The following ERP27 variants were observed in gnomAD, a reference collection of about 807,000 sequenced individuals.
ERP27 encodes endoplasmic reticulum protein 27.
In ERP27, 23 loss-of-function variants were observed where a neutral mutation model predicts 27.7. The ratio of observed to expected loss-of-function variants is 0.83; its 90% CI spans 0.60 to 1.18. The LOEUF is 1.18. ERP27 is among the 50% of genes most tolerant of loss of function. The probability of loss-of-function intolerance (pLI) is 0.00; values close to 1 mark genes in which losing one functional copy is unlikely to be tolerated. For missense variants in ERP27, 363 were observed against 327.9 expected, an observed-to-expected ratio of 1.11 and a Z score of -0.83; for synonymous variants, 159 against 118.3, an observed-to-expected ratio of 1.34 and a Z score of -2.23.
At chr12:14,919,509 G>C (rs962128322) in intron 4 of ERP27, among the ~76,000 whole-genome samples, 1 of 152,120 alleles carries the variant, frequency 6.6e-6, no homozygotes, top group Non-Finnish European at 1.5e-5. Flanking sequence ...TACCCCAGGG[G>C]CATATGTGTT....
intron 3 of ERP27, among the ~76,000 whole-genome samples, chr12:14,925,942 A>C (rs1863594898): frequency 6.6e-6 from 1 of 151,918 alleles, no homozygotes; most frequent in African/African-American, 2.4e-5. Context: ...GGTGGCATGC[A>C]CCTGTTGTCC....
chr12:14,934,670 C>T (rs535621475), intron 3 of ERP27, among the ~76,000 whole-genome samples, 186 bp downstream of exon 3: 2 of 152,216 alleles, frequency 1.3e-5, no homozygotes, highest in Admixed American at 1.3e-4. Flanking sequence ...GTCCTGTCCT[C>T]TTTCCATTTC....
chr12:14,934,694 T>C (rs1253100317), intron 3 of ERP27, among the ~76,000 whole-genome samples, 162 bp downstream of exon 3: 1 of 152,212 alleles, frequency 6.6e-6, no homozygotes, highest in Non-Finnish European at 1.5e-5. Flanking sequence ...ACAGTACCTG[T>C]TTGGGAAGCT....
intron 3 of ERP27, among the ~76,000 whole-genome samples, chr12:14,930,539 G>C (rs1346142561): frequency 6.6e-6 from 1 of 152,190 alleles, no homozygotes; most frequent in Non-Finnish European, 1.5e-5. Flanking sequence ...AACAATAAGA[G>C]TCCTGTTGAA....
chr12:14,914,447 G>A lies in ERP27; in HGVS notation c.*288C>T, dbSNP rs1863372727. On this transcript the variant is annotated 3_prime_UTR_variant, in exon 7 of 7. Transcript: ENST00000266397. ...CCTTGATCTAGGTGTGTTACAGATG[G>A]GCTTACAGAGTATGAATGCACGATA... is the stretch of plus-strand genomic sequence containing the variant. 4 of 422,666 alleles carry A rather than the reference G, an allele frequency of 9.5e-6. No homozygotes were observed. The East Asian group carries it at 1.6e-4, about 17-fold the overall frequency. The allele number at this position is 422,666 out of a possible 1,614,324, so 26.2% of individuals were successfully genotyped here.
At chr12:14,929,021 T>C (rs1389991516) in intron 3 of ERP27, 9 of 1,535,188 alleles carry the variant, frequency 5.9e-6, no homozygotes, top group Non-Finnish European at 7.0e-6. Context: ...ATCATTATCA[T>C]CATAATCAGG....
intron 4 of ERP27, among the ~76,000 whole-genome samples, chr12:14,918,078 C>T (rs548520366): frequency 2.6e-5 from 4 of 152,270 alleles, no homozygotes; most frequent in South Asian, 2.1e-4. Context: ...GTGTTCATTA[C>T]GTGGAAGGCA....
intron 3 of ERP27, among the ~76,000 whole-genome samples, chr12:14,922,032 A>C: frequency 6.6e-6 from 1 of 152,224 alleles, no homozygotes; most frequent in East Asian, 1.9e-4. Context: ...GTCTGAATAA[A>C]CACAATTTAT....
rs1863366609 is a variant in ERP27, at chr12:14,914,060, T to C, written c.*675A>G. The C allele has an allele frequency of 6.6e-6, 1 of 152,222 alleles. No homozygotes were observed. Among genetic ancestry groups the C allele is most frequent in the African/African-American group, 2.4e-5 (1 of 41,444 alleles). The allele number at this position is 152,222 out of a possible 1,614,324, so 9.4% of individuals were successfully genotyped here. A position where few individuals can be genotyped will look rare whatever the true frequency, so the allele number is the denominator to read the frequency against. ...TTTCTCCTATAACATGATTGCCTTT[T>C]ATTTATTATGCAGGTTGTTGATTTA... On this transcript the variant is annotated 3_prime_UTR_variant, in exon 7 of 7. Coordinates refer to ENST00000266397, the MANE Select transcript of ERP27 (RefSeq NM_152321.4).
At chr12:14,938,267 C>T in intron 1 of ERP27, 148 bp downstream of exon 1, 2 of 849,726 alleles carry the variant, frequency 2.4e-6, no homozygotes, top group South Asian at 1.6e-5. Context: ...GACTTCCCTA[C>T]TCTCTACCAG....
chr12:14,921,378 A>C (rs574370898), intron 3 of ERP27, among the ~76,000 whole-genome samples: 1 of 152,212 alleles, frequency 6.6e-6, no homozygotes, highest in Non-Finnish European at 1.5e-5. Flanking sequence ...AGGAGCTTTA[A>C]ATAGAGAACA....
At chr12:14,924,050 T>G (rs1863557074) in intron 3 of ERP27, among the ~76,000 whole-genome samples, 1 of 152,198 alleles carries the variant, frequency 6.6e-6, no homozygotes, top group Admixed American at 6.5e-5. Context: ...GCTCCCCAGC[T>G]TTCCATAACC....
chr12:14,920,869 T>A, intron 4 of ERP27, 63 bp downstream of exon 4: 1 of 1,282,096 alleles, frequency 7.8e-7, no homozygotes, highest in East Asian at 2.3e-5. Flanking sequence ...ACCTCTGTTA[T>A]GAAGACCAGT....
intron 3 of ERP27, among the ~76,000 whole-genome samples, chr12:14,930,765 A>T (rs139935633): frequency 1.2e-4 from 18 of 152,358 alleles, no homozygotes; most frequent in Middle Eastern, 3.4e-3. Flanking sequence ...AGCATGAGTA[A>T]TATCCATTTA....
At chr12:14,932,234 T>C (rs907213657) in intron 3 of ERP27, among the ~76,000 whole-genome samples, 1 of 152,158 alleles carries the variant, frequency 6.6e-6, no homozygotes, top group Non-Finnish European at 1.5e-5. Context: ...AAATATATGA[T>C]ATGAATTATA....
intron 4 of ERP27, 112 bp downstream of exon 4, chr12:14,920,820 A>G: frequency 1.3e-6 from 1 of 772,968 alleles, no homozygotes; most frequent in Non-Finnish European, 2.2e-6. Context: ...ACAATACAGT[A>G]TTGTATTGGT....
chr12:14,929,675 A>G (rs934630759), intron 3 of ERP27, among the ~76,000 whole-genome samples: 5 of 152,236 alleles, frequency 3.3e-5, no homozygotes, highest in African/African-American at 1.2e-4. Flanking sequence ...CCTCAAGAGT[A>G]TCTGAAGTAG....
In ERP27 at chr12:14,921,423, G is replaced by A. The variant is rs191055175; in HGVS notation, c.334-375C>T. Among the ~76,000 whole-genome samples, 173 of 152,302 alleles carry A rather than the reference G, an allele frequency of 1.1e-3. 2 individuals carry two copies. The highest frequency in any genetic ancestry group is 2.2e-4 in the Non-Finnish European group (15 of 68,028). On this transcript the variant is annotated intron_variant, in intron 3 of 6. Coordinates refer to ENST00000266397, the MANE Select transcript of ERP27 (RefSeq NM_152321.4). Reference sequence around the variant, plus strand: ...AATACTGTGAGATGTGAGAGGTTGCGTTCTGGAAGCTGCTGTTAGTTCACT... The same window carrying A: ...AATACTGTGAGATGTGAGAGGTTGCATTCTGGAAGCTGCTGTTAGTTCACT...
chr12:14,926,922 G>T (rs1455839177), intron 3 of ERP27, among the ~76,000 whole-genome samples: 1 of 152,040 alleles, frequency 6.6e-6, no homozygotes. Context: ...GCTTAGAGAA[G>T]ACCTTTTACT....
Sources: allele counts gnomAD v4.1 joint callset (sites outside exome capture counted in the v4.1 genomes callset), GRCh38; gene constraint gnomAD v4.1.1; transcripts MANE v1.5; gene names NCBI Gene and HGNC (gene_info 2026-07-23, HGNC 2026-07-21).